STX8: variants seen among roughly 807,000 people sequenced by gnomAD.
STX8 encodes syntaxin 8.
STX8 carries 23 observed loss-of-function variants against 37.5 expected under a neutral mutation model. That is an observed-to-expected ratio of 0.61 (90% CI 0.44 to 0.87). The LOEUF (loss-of-function observed/expected upper bound fraction) is 0.87. STX8 is among the 40% of genes least tolerant of loss of function. STX8 has a pLI of 0.00. For synonymous variants in STX8, 115 were observed against 99.1 expected, an observed-to-expected ratio of 1.16 and a Z score of -0.95; for missense variants, 313 against 284.7, an observed-to-expected ratio of 1.10 and a Z score of -0.71.
chr17:9,382,958 G>C (rs894736846), intron 6 of STX8, among the ~76,000 whole-genome samples: 1 of 152,212 alleles, frequency 6.6e-6, no homozygotes, highest in African/African-American at 2.4e-5. Flanking sequence ...GGGCCTTTGG[G>C]AGGTGAATGG....
intron 7 of STX8, among the ~76,000 whole-genome samples, chr17:9,333,419 G>A (rs1475682815): frequency 6.6e-6 from 1 of 152,118 alleles, no homozygotes; most frequent in Non-Finnish European, 1.5e-5. Flanking sequence ...ACAGAGTCTT[G>A]CTCTGTCACC....
intron 7 of STX8, among the ~76,000 whole-genome samples, chr17:9,340,028 G>T (rs903887944): frequency 6.6e-6 from 1 of 150,802 alleles, no homozygotes; most frequent in African/African-American, 2.5e-5. Context: ...CGCAACCGCG[G>T]GATCCTCCCA....
intron 4 of STX8, among the ~76,000 whole-genome samples, chr17:9,543,390 T>A (rs1276170807): frequency 6.6e-6 from 1 of 150,812 alleles, no homozygotes; most frequent in Admixed American, 6.6e-5. Flanking sequence ...ACCTCCCAGG[T>A]TCAAGCAATT....
intron 7 of STX8, among the ~76,000 whole-genome samples, chr17:9,293,912 C>T (rs1908415846): frequency 6.7e-6 from 1 of 149,394 alleles, no homozygotes; most frequent in African/African-American, 2.5e-5. Flanking sequence ...CAGGCACCCG[C>T]CACCACGCCT....
At chr17:9,445,311 A>C (rs1488876747) in intron 6 of STX8, among the ~76,000 whole-genome samples, 1 of 151,738 alleles carries the variant, frequency 6.6e-6, no homozygotes, top group East Asian at 1.9e-4. Flanking sequence ...TCCTTTTCCC[A>C]CTGCGAGTGA....
At chr17:9,484,283 A>G (rs1338333021) in intron 6 of STX8, among the ~76,000 whole-genome samples, 2 of 152,084 alleles carry the variant, frequency 1.3e-5, no homozygotes, top group East Asian at 1.9e-4. Flanking sequence ...GTAAATGTCA[A>G]TCAGTCAGTG....
intron 7 of STX8, among the ~76,000 whole-genome samples, chr17:9,356,914 T>C (rs1279020534): frequency 6.6e-6 from 1 of 151,208 alleles, no homozygotes; most frequent in Non-Finnish European, 1.5e-5. Flanking sequence ...GACTAATTTC[T>C]GGATTACTGC....
At chr17:9,516,298 C>CATATATATAT (rs150682084) in intron 4 of STX8, among the ~76,000 whole-genome samples, 536 of 51,546 alleles carry the variant, frequency 0.01, 21 homozygotes, top group East Asian at 0.017. Flanking sequence ...GAACCACAGT[C>CATATATATAT]ATATATATAT....
chr17:9,551,813 A>C (rs867077156), intron 3 of STX8, among the ~76,000 whole-genome samples: 10 of 152,300 alleles, frequency 6.6e-5, no homozygotes, highest in African/African-American at 9.6e-5. Flanking sequence ...GTCTGCTTTC[A>C]GAGCCGATGT....
intron 6 of STX8, among the ~76,000 whole-genome samples, chr17:9,464,178 A>G (rs535951540): frequency 3.7e-4 from 57 of 152,362 alleles, no homozygotes; most frequent in African/African-American, 1.0e-3. Flanking sequence ...TCTGATTCTT[A>G]AACAGCAGCA....
chr17:9,373,484 C>T (rs1911478552), intron 7 of STX8, among the ~76,000 whole-genome samples: 1 of 152,216 alleles, frequency 6.6e-6, no homozygotes, highest in African/African-American at 2.4e-5. Context: ...TTGAAGACAT[C>T]ACCCTAAATA....
intron 6 of STX8, among the ~76,000 whole-genome samples, chr17:9,385,216 C>T (rs1911952910): frequency 6.6e-6 from 1 of 152,134 alleles, no homozygotes; most frequent in African/African-American, 2.4e-5. Flanking sequence ...AATGGGAGGA[C>T]TTGGACACAT....
At chr17:9,349,560 G>A (rs1043552625) in intron 7 of STX8, among the ~76,000 whole-genome samples, 5 of 151,966 alleles carry the variant, frequency 3.3e-5, no homozygotes, top group African/African-American at 1.2e-4. Flanking sequence ...CACTTAAGGC[G>A]ATCCACCCGC....
rs574898669 is a variant in STX8, at chr17:9,288,518, C to T, written c.644-37873G>A. On this transcript the variant is annotated intron_variant, in intron 7 of 7. Transcript: ENST00000306357. ...CTACTAAAATGACAAAAAAATTAGC[C>T]GGGCGTGGTGGCAGGCGCCTGTAGT... Among the ~76,000 whole-genome samples, 577 of 151,864 alleles carry T rather than the reference C, an allele frequency of 3.8e-3. 3 individuals are homozygous for T. Among genetic ancestry groups the T allele is most frequent in the African/African-American group, 0.013 (525 of 41,470 alleles).
chr17:9,504,425 G>A (rs113316299), intron 5 of STX8, among the ~76,000 whole-genome samples: 4,865 of 151,932 alleles, frequency 0.032, 291 homozygotes, highest in African/African-American at 0.11. Flanking sequence ...ATAAAATGGA[G>A]TCTTGTGTTT....
chr17:9,421,686 T>C (rs1913435858), intron 6 of STX8, among the ~76,000 whole-genome samples: 1 of 152,064 alleles, frequency 6.6e-6, no homozygotes, highest in Admixed American at 6.6e-5. Flanking sequence ...CACCCCTATC[T>C]AGTTTCAAAC....
chr17:9,570,431 CACATATATCATATATATCACTGAT>C (rs1410694742), intron 1 of STX8, among the ~76,000 whole-genome samples: 1 of 151,926 alleles, frequency 6.6e-6, no homozygotes, highest in Non-Finnish European at 1.5e-5. Flanking sequence ...CACACACATT[CACATATATCATATATATCACTGAT>C]ACATATATTC....
intron 7 of STX8, among the ~76,000 whole-genome samples, chr17:9,262,706 C>T (rs55984471): frequency 0.011 from 1,642 of 152,054 alleles, 30 homozygotes; most frequent in African/African-American, 0.038. Flanking sequence ...CTCAGCCTCC[C>T]GAGTAGCTGG....
At chr17:9,565,590 T>C (rs1907422374) in intron 2 of STX8, among the ~76,000 whole-genome samples, 1 of 75,880 alleles carries the variant, frequency 1.3e-5, no homozygotes. Context: ...CACTCCAGCC[T>C]AGGTGAGAAG....
Sources: gnomAD v4.1 joint callset for allele counts (sites outside exome capture counted in the v4.1 genomes callset) on GRCh38, gnomAD v4.1.1 for gene constraint, MANE v1.5 for transcripts, NCBI Gene and HGNC (gene_info 2026-07-23, HGNC 2026-07-21) for gene names.